The following EDEM2 variants were observed in gnomAD, a reference collection of about 807,000 sequenced individuals.
EDEM2 encodes the protein ER degradation-enhancing alpha-mannosidase-like protein 2.
In EDEM2, 39 loss-of-function variants were observed where a neutral mutation model predicts 64.8. That is an observed-to-expected ratio of 0.60 (90% confidence interval 0.47 to 0.79). The LOEUF is 0.79. EDEM2 is among the 30% of genes least tolerant of loss of function. The probability of loss-of-function intolerance (pLI) is 0.00; values close to 1 mark genes in which losing one functional copy is unlikely to be tolerated. For missense variants in EDEM2, 609 were observed against 731.3 expected (o/e 0.83, Z 1.93); for synonymous variants, 296 against 291.5 (o/e 1.02, Z -0.16).
chr20:35,124,218 G>A (rs933523311), intron 8 of EDEM2, among the ~76,000 whole-genome samples, 184 bp from the exon 9 acceptor site: 1 of 152,110 alleles, frequency 6.6e-6, no homozygotes, highest in Non-Finnish European at 1.5e-5. Context: ...TCTATAAAAC[G>A]TAAAATACAC....
chr20:35,115,494 G>C lies in EDEM2; in HGVS notation c.1676C>G (p.Pro559Arg). 1 of 1,613,336 alleles carries C rather than the reference G, an allele frequency of 6.2e-7. No individual in the cohort carries two copies. The highest frequency in any genetic ancestry group is 8.5e-7 in the Non-Finnish European group (1 of 1,179,902). ...CAACTTGGAGGTGAAGGGCTGACTGGGGCAGCTGAGAAGTGGGACCTTCTG... is the reference window on the plus strand; with the variant it reads ...CAACTTGGAGGTGAAGGGCTGACTGCGGCAGCTGAGAAGTGGGACCTTCTG... Reference protein sequence around the residue: ...AKQKVPLLSCPSQPFTSKLAL... With the variant: ...AKQKVPLLSCRSQPFTSKLAL... The change falls in exon 11 of 11, where the codon CCC (proline) becomes CGC (arginine). Residue 559 changes from proline to arginine, a missense_variant. Pro to Arg is a moderately radical substitution (Grantham distance 103). Transcript: ENST00000374492.
intron 7 of EDEM2, among the ~76,000 whole-genome samples, chr20:35,128,893 A>C (rs2085471286): frequency 6.6e-6 from 1 of 151,022 alleles, no homozygotes; most frequent in Non-Finnish European, 1.5e-5. Context: ...TAAGCTAAGC[A>C]TTATTACAAA....
intron 5 of EDEM2, among the ~76,000 whole-genome samples, chr20:35,136,438 C>A (rs1000685711): frequency 6.6e-6 from 1 of 152,086 alleles, no homozygotes; most frequent in Admixed American, 6.6e-5. Context: ...AGCTCTCCCC[C>A]AAAGGAGAGG....
At chr20:35,145,599 G>A (rs2085718319) in intron 2 of EDEM2, among the ~76,000 whole-genome samples, 1 of 152,224 alleles carries the variant, frequency 6.6e-6, no homozygotes, top group African/African-American at 2.4e-5. Context: ...CTGACAGAAA[G>A]CAGACAGCAA....
At chr20:35,141,676 G>A (rs11908100) in intron 4 of EDEM2, among the ~76,000 whole-genome samples, 20,739 of 152,086 alleles carry the variant, frequency 0.14, 1,724 homozygotes, top group African/African-American at 0.24. Context: ...GGGCTGTGCT[G>A]GCTTCACAAG....
chr20:35,115,807 C>G lies in EDEM2; in HGVS notation c.1363G>C (p.Asp455His), dbSNP rs1440869191. Residue 455 changes from aspartate (D) to histidine (H), a missense_variant, in exon 11 of 11, where the codon GAC becomes CAC. Physicochemically the swap from Asp to His is moderately conservative, Grantham distance 81 (BLOSUM62 -1). Transcript: ENST00000374492. ...TCCCCATAGGGGGTGATCACCGCGT[C>G]GAAGGTGGACCCATTGTTGTGGATG... ...NFIHNNGSTF[D>H]AVITPYGECI... The G allele has an allele frequency of 6.2e-7, 1 of 1,613,784 alleles. No individual in the cohort carries two copies. The highest frequency in any genetic ancestry group is 1.7e-5 in the Admixed American group (1 of 60,022).
Position 35,147,193 on chromosome 20 carries a change from C to A in EDEM2, c.66G>T (p.Ala22=), listed in dbSNP as rs2085747239. Residue 22 remains alanine, a synonymous_variant, in exon 1 of 11, where the codon GCG becomes GCT. Transcript: ENST00000374492. ...LCALLPQHHG[A]PGPDGSAPDP... ...CTGGCGCGGAGCCGTCGGGACCTGGCGCACCATGGTGCTGAGGCAGCAGCG... is the reference window on the plus strand; with the variant it reads ...CTGGCGCGGAGCCGTCGGGACCTGGAGCACCATGGTGCTGAGGCAGCAGCG... 2.5e-6 allele frequency: 4 copies of A among 1,603,352 alleles called. No individual in the cohort carries two copies. Among genetic ancestry groups the A allele is most frequent in the Non-Finnish European group, 3.4e-6 (4 of 1,173,514 alleles).
At chr20:35,122,682 T>G (rs537143888) in intron 9 of EDEM2, among the ~76,000 whole-genome samples, 1 of 152,346 alleles carries the variant, frequency 6.6e-6, no homozygotes, top group Admixed American at 6.5e-5. Flanking sequence ...CCAAGTTTCC[T>G]GTTTTAAAAA....
At chr20:35,129,038 G>T (rs2085473511) in intron 7 of EDEM2, among the ~76,000 whole-genome samples, 1 of 152,092 alleles carries the variant, frequency 6.6e-6, no homozygotes, top group Non-Finnish European at 1.5e-5. Context: ...GCCAAGGTGG[G>T]TGGAGATCAC....
intron 7 of EDEM2, among the ~76,000 whole-genome samples, chr20:35,128,820 A>T (rs1382854992): frequency 6.6e-6 from 1 of 150,828 alleles, no homozygotes; most frequent in African/African-American, 2.5e-5. Context: ...AACTAAAAAC[A>T]GAAAAAAACT....
Position 35,129,433 on chromosome 20 carries a change from TG to T in EDEM2, c.844+2208del, listed in dbSNP as rs779927423. Reference sequence around the variant, plus strand: ...AAAGAAAAAAAAAATCAGCCAGGCATGGTGGTGGGCGCCTGTAATCCCAGCT... The same window carrying T: ...AAAGAAAAAAAAAATCAGCCAGGCATGTGGTGGGCGCCTGTAATCCCAGCT... On this transcript the variant is annotated intron_variant, in intron 7 of 10. Coordinates refer to ENST00000374492, the MANE Select transcript of EDEM2 (RefSeq NM_018217.3). Among the ~76,000 whole-genome samples, 3 of 149,656 alleles carry T rather than the reference TG, an allele frequency of 2.0e-5. No individual in the cohort carries two copies. In the East Asian group the frequency reaches 5.9e-4, roughly 30 times the overall value.
At chr20:35,116,157 A>G (rs1324468686) in intron 10 of EDEM2, among the ~76,000 whole-genome samples, 1 of 152,148 alleles carries the variant, frequency 6.6e-6, no homozygotes, top group Non-Finnish European at 1.5e-5. Flanking sequence ...TTAGCCCTGC[A>G]GTTTATATAC....
At position 35,144,998 on chromosome 20, in the gene EDEM2, T is replaced by A; in HGVS notation, c.239A>T (p.Asp80Val). ...ACTTACCAGCAAGGTGTCCAGTGCA[T>A]CAATTAGAGTCAGAGAAAAACTGCA... ...TWGSFSLTLI[D>V]ALDTLLILGN... Residue 80 changes from aspartate (D) to valine (V), a missense_variant, in exon 3 of 11, where the codon GAT becomes GTT. By Grantham distance (152) the Asp-to-Val change is radical. Transcript: ENST00000374492. 1.9e-6 allele frequency: 3 copies of A among 1,614,048 alleles called. No individual in the cohort carries two copies. Among genetic ancestry groups the A allele is most frequent in the Non-Finnish European group, 2.5e-6 (3 of 1,179,968 alleles).
chr20:35,135,084 A>C, intron 5 of EDEM2, 135 bp from the exon 6 acceptor site: 1 of 886,704 alleles, frequency 1.1e-6, no homozygotes, highest in Non-Finnish European at 1.7e-6. Context: ...TGAGCCAGAG[A>C]AAGATAAATG....
chr20:35,123,655 T>G (rs2085395376), intron 9 of EDEM2, among the ~76,000 whole-genome samples: 1 of 152,138 alleles, frequency 6.6e-6, no homozygotes, highest in Non-Finnish European at 1.5e-5. Context: ...CAGGCCTAGC[T>G]CCTGCACTTA....
Position 35,142,705 on chromosome 20 carries a change from G to A in EDEM2, c.259-227C>T, listed in dbSNP as rs149129007. Among the ~76,000 whole-genome samples, 482 of 152,250 alleles carry A rather than the reference G, an allele frequency of 3.2e-3. 4 individuals are homozygous for A. The highest frequency in any genetic ancestry group is 0.011 in the South Asian group (52 of 4,818). The stretch of plus-strand genomic sequence containing the variant: ...TTCCTAGGTCCCAATTAAGAGTCAC[G>A]ATGTTGTCATTTAAATGGACACAAT... On this transcript the variant is annotated intron_variant, in intron 3 of 10. Transcript: ENST00000374492.
chr20:35,119,571 G>A (rs994867033), intron 9 of EDEM2, among the ~76,000 whole-genome samples: 1 of 151,974 alleles, frequency 6.6e-6, no homozygotes, highest in African/African-American at 2.4e-5. Flanking sequence ...ACTCCAGCCT[G>A]GATGACAAGA....
chr20:35,124,339 C>A (rs1026246958), intron 8 of EDEM2, among the ~76,000 whole-genome samples: 1 of 152,266 alleles, frequency 6.6e-6, no homozygotes, highest in East Asian at 1.9e-4. Context: ...GTTAAAAATT[C>A]TAAGAATAGA....
At chr20:35,120,593 CTTTTTTTT>C (rs5841194) in intron 9 of EDEM2, among the ~76,000 whole-genome samples, 1 of 95,104 alleles carries the variant, frequency 1.1e-5, no homozygotes, top group African/African-American at 4.0e-5. Flanking sequence ...TCGGCTTCTT[CTTTTTTTT>C]TTTTTTTTTT....
Sources: gnomAD v4.1 joint callset for allele counts (sites outside exome capture counted in the v4.1 genomes callset) on GRCh38, gnomAD v4.1.1 for gene constraint, MANE v1.5 for transcripts, NCBI Gene and HGNC (gene_info 2026-07-23, HGNC 2026-07-21) for gene names.